SNN: variants seen among roughly 807,000 people sequenced by gnomAD.
SNN encodes AG8_1.
In SNN, 5 loss-of-function variants were observed where a neutral mutation model predicts 5.3. That is an observed-to-expected ratio of 0.94 (90% CI 0.49 to 1.97). SNN has a LOEUF of 1.97. SNN is among the 30% of genes most tolerant of loss of function. The probability of loss-of-function intolerance (pLI) is 0.01; values close to 1 mark genes in which losing one functional copy is unlikely to be tolerated. For missense variants in SNN, 127 were observed against 121.6 expected, an observed-to-expected ratio of 1.04 and a Z score of -0.21; for synonymous variants, 67 against 52.1, an observed-to-expected ratio of 1.29 and a Z score of -1.24.
chr16:11,676,416 G>A lies in SNN; in HGVS notation c.*90G>A. 1 of 1,437,992 alleles carries A rather than the reference G, an allele frequency of 7.0e-7. No homozygotes were observed. The allele number at this position is 1,437,992 out of a possible 1,614,324, so 89.1% of individuals were successfully genotyped here. On this transcript the variant is annotated 3_prime_UTR_variant, in exon 2 of 2. Coordinates refer to ENST00000329565, the MANE Select transcript of SNN (RefSeq NM_003498.6). ...ATACGGATGCGCTGCTGTCTGAGAG[G>A]AAGGGCTGACACTTGCTGGCATGGC...
rs2050303166 is a variant in SNN at position 11,676,247 on chromosome 16, T to C, written c.188T>C (p.Val63Ala). ...GAGACCAAGGAACCCTTCCTGCTGGTGCAGTATTCGGCCAAGGGACCGTGC... is the reference window on the plus strand; with the variant it reads ...GAGACCAAGGAACCCTTCCTGCTGGCGCAGTATTCGGCCAAGGGACCGTGC... ...DGETKEPFLL[V>A]QYSAKGPCVE... Residue 63 changes from valine (V) to alanine (A), a missense_variant, in exon 2 of 2, where the codon GTG (valine) becomes GCG (alanine). Physicochemically the swap from Val to Ala is moderately conservative, Grantham distance 64 (BLOSUM62 0). Coordinates refer to ENST00000329565, the MANE Select transcript of SNN (RefSeq NM_003498.6). The C allele has an allele frequency of 3.1e-6, 5 of 1,614,178 alleles. No homozygotes were observed. The highest frequency in any genetic ancestry group is 4.2e-6 in the Non-Finnish European group (5 of 1,180,036).
In SNN at chr16:11,678,438, G is replaced by A. The variant is rs1455267278; in HGVS notation, c.*2112G>A. 6.0e-6 allele frequency: 1 copy of A among 167,084 alleles called. No individual in the cohort carries two copies. The allele number at this position is 167,084 out of a possible 1,614,324, so 10.4% of individuals were successfully genotyped here. A position where few individuals can be genotyped will look rare whatever the true frequency, so the allele number is the denominator to read the frequency against. ...CAACAGCTAGGATCTGCATTTTCAG[G>A]TTCCGAGCCTGACCCCTGGAACTGA... On this transcript the variant is annotated 3_prime_UTR_variant, in exon 2 of 2. Transcript: ENST00000329565.
chr16:11,676,343 C>T lies in SNN; in HGVS notation c.*17C>T, dbSNP rs762579122. The T allele has an allele frequency of 5.0e-6, 8 of 1,604,704 alleles. No homozygotes were observed. The highest frequency in any genetic ancestry group is 6.8e-6 in the Non-Finnish European group (8 of 1,172,622). ...CACGGCTGAGCCAGGATGCAAGGCT[C>T]CTGGTCCTGTTTGCAGCCGGCCAAG... On this transcript the variant is annotated 3_prime_UTR_variant, in exon 2 of 2. Coordinates refer to ENST00000329565, the MANE Select transcript of SNN (RefSeq NM_003498.6).
intron 1 of SNN, among the ~76,000 whole-genome samples, chr16:11,669,101 G>A (rs1459257346): frequency 6.6e-6 from 1 of 152,162 alleles, no homozygotes; most frequent in East Asian, 1.9e-4. Flanking sequence ...TACCTCCCCA[G>A]CTGCCGTCCC....
At position 11,678,586 on chromosome 16, in the gene SNN, C is replaced by G. The variant is rs568016788; in HGVS notation, c.*2260C>G. The G allele has an allele frequency of 6.0e-6, 1 of 167,266 alleles. No individual in the cohort carries two copies. Among genetic ancestry groups the G allele is most frequent in the African/African-American group, 2.4e-5 (1 of 41,516 alleles). The allele number at this position is 167,266 out of a possible 1,614,324, so 10.4% of individuals were successfully genotyped here. A position where few individuals can be genotyped will look rare whatever the true frequency, so the allele number is the denominator to read the frequency against. On this transcript the variant is annotated 3_prime_UTR_variant, in exon 2 of 2. Transcript: ENST00000329565. ...TCTGGAGGTTTTCTTATCCTACTCC[C>G]TGGTGCCAGGGACGTACCTGGGAGT... is the stretch of plus-strand genomic sequence containing the variant.
At chr16:11,670,752 AC>A (rs1283997834) in intron 1 of SNN, among the ~76,000 whole-genome samples, 2 of 151,556 alleles carry the variant, frequency 1.3e-5, no homozygotes, top group African/African-American at 4.8e-5. Context: ...AGCCTGCTCT[AC>A]TGCGGTCTGT....
In SNN at chr16:11,675,068, G is replaced by A. The variant is rs8191318; in HGVS notation, c.-85-907G>A. ...TCCAAACCACACAAGGGACTCTACC[G>A]CCCAGCTTCCTTCTCAGATGGTGTG... is the stretch of plus-strand genomic sequence containing the variant. On this transcript the variant is annotated intron_variant, in intron 1 of 1. Transcript: ENST00000329565. Among the ~76,000 whole-genome samples, 676 of 152,024 alleles carry A rather than the reference G, an allele frequency of 4.4e-3. 31 individuals carry two copies. In the East Asian group the frequency reaches 0.1, roughly 23 times the overall value.
rs2050266541 is a variant in SNN at position 11,671,651 on chromosome 16, G to A, written c.-86+3111G>A. On this transcript the variant is annotated intron_variant, in intron 1 of 1. Transcript: ENST00000329565. The surrounding 1 kb of genome is among the most constrained non-coding windows in gnomAD (Gnocchi z 4.7). ...GGTGGGCCAGGATTCCCATGTGCCA[G>A]CCTGGGCATCTCCCCAACCCAAGCT... Among the ~76,000 whole-genome samples, 1 of 152,190 alleles carries A rather than the reference G, an allele frequency of 6.6e-6. No homozygotes were observed.
rs1248132998 is a variant in SNN at position 11,672,954 on chromosome 16, T to C, written c.-85-3021T>C. Among the ~76,000 whole-genome samples, 2 of 152,146 alleles carry C rather than the reference T, an allele frequency of 1.3e-5. No individual in the cohort carries two copies. The highest frequency in any genetic ancestry group is 4.8e-5 in the African/African-American group (2 of 41,422). ...CCATTGTTTGATTTTCTACTTCCTG[T>C]CCCTGAACCACCCCCACCCCCAAAC... On this transcript the variant is annotated intron_variant, in intron 1 of 1. Coordinates refer to ENST00000329565, the MANE Select transcript of SNN (RefSeq NM_003498.6). The surrounding 1 kb of genome is among the most constrained non-coding windows in gnomAD (Gnocchi z 6.0).
chr16:11,676,044 G>GC lies in SNN; in HGVS notation c.-11dup. ...CCCCAAAGTGCTGCCAGCCGAGGAA[G>GC]CCCCCAGCACTGACCATGTCTATTA... On this transcript the variant is annotated 5_prime_UTR_variant, in exon 2 of 2. Transcript: ENST00000329565. The GC allele has an allele frequency of 1.3e-6, 2 of 1,559,602 alleles. No individual in the cohort carries two copies. The highest frequency in any genetic ancestry group is 1.7e-6 in the Non-Finnish European group (2 of 1,148,008).
intron 1 of SNN, among the ~76,000 whole-genome samples, chr16:11,675,415 G>T (rs1356172953): frequency 6.6e-6 from 1 of 151,980 alleles, no homozygotes; most frequent in Non-Finnish European, 1.5e-5. Flanking sequence ...TTACACGCAT[G>T]TGCCACCATG....
At position 11,679,080 on chromosome 16, in the gene SNN, T is replaced by A. The variant is rs2050336412; in HGVS notation, c.*2754T>A. On this transcript the variant is annotated 3_prime_UTR_variant, in exon 2 of 2. Coordinates refer to ENST00000329565, the MANE Select transcript of SNN (RefSeq NM_003498.6). The surrounding 1 kb of genome is among the most constrained non-coding windows in gnomAD (Gnocchi z 4.6). The stretch of plus-strand genomic sequence containing the variant: ...AATAAATGCTGAATGACATTCAAGC[T>A]GATTTTCTAGACCACTGAGAAAATC... 8.8e-7 allele frequency: 1 copy of A among 1,131,804 alleles called. No homozygotes were observed. The highest frequency in any genetic ancestry group is 1.2e-6 in the Non-Finnish European group (1 of 804,588). 70.1% of individuals were successfully genotyped at this position (1,131,804 alleles called of 1,614,324 possible).
chr16:11,668,627 G>C lies in SNN; in HGVS notation c.-86+87G>C, dbSNP rs1400755086. 1 of 145,462 alleles carries C rather than the reference G, an allele frequency of 6.9e-6. No homozygotes were observed. Among genetic ancestry groups the C allele is most frequent in the Non-Finnish European group, 1.5e-5 (1 of 65,078 alleles). 9.0% of individuals were successfully genotyped at this position (145,462 alleles called of 1,614,324 possible). On this transcript the variant is annotated intron_variant, in intron 1 of 1. Coordinates refer to ENST00000329565, the MANE Select transcript of SNN (RefSeq NM_003498.6). The surrounding 1 kb of genome is among the most constrained non-coding windows in gnomAD (Gnocchi z 6.8). ...GGAAGGGGGAGGCCAGGACGAGGAGGGGCGCGCGCGGCGGCGGGGCCGGGC... is the reference window on the plus strand; with the variant it reads ...GGAAGGGGGAGGCCAGGACGAGGAGCGGCGCGCGCGGCGGCGGGGCCGGGC...
chr16:11,674,389 C>T (rs184737108), intron 1 of SNN, among the ~76,000 whole-genome samples: 77 of 152,332 alleles, frequency 5.1e-4, no homozygotes, highest in Non-Finnish European at 9.7e-4. Context: ...CTCAGCACTG[C>T]GGGGCAGCAG....
At chr16:11,674,814 G>C (rs2050287804) in intron 1 of SNN, among the ~76,000 whole-genome samples, 1 of 152,160 alleles carries the variant, frequency 6.6e-6, no homozygotes, top group Admixed American at 6.5e-5. Context: ...TGCCCACCCA[G>C]GTTAGCATCT....
At position 11,668,991 on chromosome 16, in the gene SNN, G is replaced by T. The variant is rs2050247130; in HGVS notation, c.-86+451G>T. ...AGGGAAACTGAGGCCGGGCCGCAGC[G>T]TTCGGCGCCCGGTTCCGTGGGCAGC... On this transcript the variant is annotated intron_variant, in intron 1 of 1. Coordinates refer to ENST00000329565, the MANE Select transcript of SNN (RefSeq NM_003498.6). The surrounding 1 kb of genome is among the most constrained non-coding windows in gnomAD (Gnocchi z 6.8). 6.6e-6 allele frequency among the ~76,000 whole-genome samples: 1 copy of T among 152,130 alleles called. No homozygotes were observed. Among genetic ancestry groups the T allele is most frequent in the South Asian group, 2.1e-4 (1 of 4,838 alleles).
intron 1 of SNN, among the ~76,000 whole-genome samples, chr16:11,673,283 G>T (rs764387768): frequency 6.6e-6 from 1 of 152,140 alleles, no homozygotes; most frequent in Non-Finnish European, 1.5e-5. Context: ...GGTGGCAGGG[G>T]AGAGGCCAGG....
intron 1 of SNN, among the ~76,000 whole-genome samples, chr16:11,674,542 A>G (rs978839137): frequency 2.0e-5 from 3 of 152,202 alleles, no homozygotes; most frequent in Non-Finnish European, 4.4e-5. Context: ...TGGCAGGCCC[A>G]CCCATGGGTG....
rs2050305182 is a variant in SNN, at chr16:11,676,440, G to C, written c.*114G>C. 3 of 1,298,522 alleles carry C rather than the reference G, an allele frequency of 2.3e-6. No homozygotes were observed. The East Asian group carries it at 7.6e-5, about 33-fold the overall frequency. The allele number at this position is 1,298,522 out of a possible 1,614,324, so 80.4% of individuals were successfully genotyped here. A position where few individuals can be genotyped will look rare whatever the true frequency, so the allele number is the denominator to read the frequency against. On this transcript the variant is annotated 3_prime_UTR_variant, in exon 2 of 2. Transcript: ENST00000329565. ...GGAAGGGCTGACACTTGCTGGCATGGCCTCTGCGGGCTTCGTCATCGCATG... is the reference window on the plus strand; with the variant it reads ...GGAAGGGCTGACACTTGCTGGCATGCCCTCTGCGGGCTTCGTCATCGCATG...
Sources: gnomAD v4.1 joint callset for allele counts (sites outside exome capture counted in the v4.1 genomes callset) on GRCh38, gnomAD v4.1.1 for gene constraint, Gnocchi (gnomAD v3.1) non-coding constraint, MANE v1.5 for transcripts, NCBI Gene and HGNC (gene_info 2026-07-23, HGNC 2026-07-21) for gene names.